The following EBF2 variants were observed in gnomAD, a reference collection of about 807,000 sequenced individuals.
The protein encoded by EBF2 is transcription factor COE2.
A neutral mutation model predicts 72.8 loss-of-function variants in EBF2; 21 were observed. That is an observed-to-expected ratio of 0.29 (90% CI 0.20 to 0.42). EBF2 has a LOEUF of 0.42. Ranked by LOEUF, EBF2 falls within the 10% of genes least tolerant of loss-of-function variation. The pLI is 1.00. For missense variants in EBF2, 637 were observed against 731.2 expected, an observed-to-expected ratio of 0.87 and a Z score of 1.49; for synonymous variants, 299 against 274.2, an observed-to-expected ratio of 1.09 and a Z score of -0.89.
At chr8:25,972,921 T>C (rs1007700556) in intron 6 of EBF2, among the ~76,000 whole-genome samples, 2 of 142,566 alleles carry the variant, frequency 1.4e-5, no homozygotes, top group African/African-American at 5.1e-5. Context: ...ACATTTGAAC[T>C]TGCCTTACAT....
At chr8:25,892,431 A>G (rs1025762642) in intron 7 of EBF2, among the ~76,000 whole-genome samples, 6 of 152,180 alleles carry the variant, frequency 3.9e-5, no homozygotes, top group Admixed American at 3.9e-4. Flanking sequence ...ATTTACATAC[A>G]TTGAAATGCA....
At chr8:25,897,305 C>T (rs1469661524) in intron 7 of EBF2, among the ~76,000 whole-genome samples, 1 of 151,976 alleles carries the variant, frequency 6.6e-6, no homozygotes, top group African/African-American at 2.4e-5. Flanking sequence ...CAACACTGGT[C>T]AATTTACTCA....
chr8:26,027,269 CA>C (rs1805316131), intron 6 of EBF2, among the ~76,000 whole-genome samples: 2 of 152,142 alleles, frequency 1.3e-5, no homozygotes, highest in South Asian at 4.2e-4. Flanking sequence ...AAGTACGGCC[CA>C]GGGGAAAGTA....
At chr8:25,989,051 C>A (rs1804504543) in intron 6 of EBF2, among the ~76,000 whole-genome samples, 1 of 152,234 alleles carries the variant, frequency 6.6e-6, no homozygotes. Flanking sequence ...AGTCAGGCAA[C>A]CTAGGCTCTG....
chr8:25,856,236 CTAT>C (rs1166808355), intron 14 of EBF2, among the ~76,000 whole-genome samples: 1 of 152,102 alleles, frequency 6.6e-6, no homozygotes, highest in African/African-American at 2.4e-5. Flanking sequence ...ACAAAAACAA[CTAT>C]TATGATTCAA....
intron 6 of EBF2, among the ~76,000 whole-genome samples, chr8:25,943,787 C>T (rs919976133): frequency 6.6e-6 from 1 of 152,288 alleles, no homozygotes; most frequent in East Asian, 1.9e-4. Flanking sequence ...AACATCAAAA[C>T]ACTATCAAAG....
At chr8:25,944,372 A>T (rs1407708251) in intron 6 of EBF2, among the ~76,000 whole-genome samples, 1 of 152,148 alleles carries the variant, frequency 6.6e-6, no homozygotes, top group Non-Finnish European at 1.5e-5. Flanking sequence ...CTGGTGAGCC[A>T]GCTCATCCCT....
At chr8:26,006,024 A>G (rs1804876189) in intron 6 of EBF2, among the ~76,000 whole-genome samples, 1 of 152,080 alleles carries the variant, frequency 6.6e-6, no homozygotes, top group Non-Finnish European at 1.5e-5. Flanking sequence ...TTTCTGCAGA[A>G]CAAACATCCA....
chr8:26,041,538 G>C (rs1001133557), intron 2 of EBF2: 2 of 165,256 alleles, frequency 1.2e-5, no homozygotes, highest in African/African-American at 4.8e-5. Context: ...ACCCGGAAAG[G>C]GCAAGGGATT....
rs953444617 is a variant in EBF2 at position 26,044,432 on chromosome 8, T to C, written c.131+297A>G. 3.9e-5 allele frequency among the ~76,000 whole-genome samples: 6 copies of C among 152,218 alleles called. No individual in the cohort carries two copies. Among genetic ancestry groups the C allele is most frequent in the Non-Finnish European group, 8.8e-5 (6 of 68,040 alleles). Reference sequence around the variant, plus strand: ...CGGCTTGCAGGACTAGGGGCTGAGCTGGGAGATGTTGGGGGCTACTTTATT... The same window carrying C: ...CGGCTTGCAGGACTAGGGGCTGAGCCGGGAGATGTTGGGGGCTACTTTATT... On this transcript the variant is annotated intron_variant, in intron 1 of 15. Transcript: ENST00000520164. The surrounding 1 kb of genome is among the most constrained non-coding windows in gnomAD (Gnocchi z 4.1).
chr8:25,952,567 C>T (rs1803880738), intron 6 of EBF2, among the ~76,000 whole-genome samples: 1 of 152,118 alleles, frequency 6.6e-6, no homozygotes, highest in Non-Finnish European at 1.5e-5. Flanking sequence ...GGAGCTATTA[C>T]AAATCACTTC....
intron 7 of EBF2, among the ~76,000 whole-genome samples, chr8:25,897,650 G>A (rs1802881427): frequency 6.6e-6 from 1 of 152,110 alleles, no homozygotes; most frequent in Admixed American, 6.5e-5. Context: ...ATTTGTTTAG[G>A]ATCATGGCCT....
At chr8:26,038,934 CCA>C (rs1190208395) in intron 5 of EBF2, among the ~76,000 whole-genome samples, 1 of 152,142 alleles carries the variant, frequency 6.6e-6, no homozygotes, top group Non-Finnish European at 1.5e-5. Context: ...CTGCAATTAC[CCA>C]AAGCTAGTAA....
intron 10 of EBF2, among the ~76,000 whole-genome samples, chr8:25,874,411 A>G (rs903851647): frequency 7.3e-6 from 1 of 137,146 alleles, no homozygotes; most frequent in Non-Finnish European, 1.6e-5. Context: ...TAATGAACAG[A>G]AAAAAAAAAT....
chr8:25,889,659 C>T lies in EBF2; in HGVS notation c.751+93G>A, dbSNP rs529693943. The stretch of plus-strand genomic sequence containing the variant: ...ACCCACATTGTTCTGTGTACTTTCT[C>T]TGCTCTGACTCCAAGACATAAATTT... On this transcript the variant is annotated intron_variant, in intron 8 of 15. Transcript: ENST00000520164. 2.7e-5 allele frequency: 27 copies of T among 983,874 alleles called. No homozygotes were observed. In the East Asian group the frequency reaches 6.6e-4, roughly 24 times the overall value. 60.9% of individuals were successfully genotyped at this position (983,874 alleles called of 1,614,324 possible).
In EBF2 at chr8:26,044,195, C is replaced by T. The variant is rs1394172625; in HGVS notation, c.131+534G>A. 6.6e-6 allele frequency among the ~76,000 whole-genome samples: 1 copy of T among 152,226 alleles called. No individual in the cohort carries two copies. The highest frequency in any genetic ancestry group is 2.4e-5 in the African/African-American group (1 of 41,466). On this transcript the variant is annotated intron_variant, in intron 1 of 15. Transcript: ENST00000520164. This position sits in a 1 kb window ranked among gnomAD's most constrained non-coding sequence, Gnocchi z 4.1. ...CCAGAGCTCCCGGCCGCCTCGTCTT[C>T]CCGGGCAGCCGCTCCGGCTTTTCCC...
intron 6 of EBF2, among the ~76,000 whole-genome samples, chr8:25,942,770 C>T (rs1408319176): frequency 3.3e-5 from 5 of 152,320 alleles, no homozygotes; most frequent in South Asian, 2.1e-4. Flanking sequence ...GAACAGCCTT[C>T]GTTCCTGCGG....
chr8:25,906,756 G>A (rs1421558951), intron 7 of EBF2, among the ~76,000 whole-genome samples: 4 of 143,726 alleles, frequency 2.8e-5, no homozygotes, highest in African/African-American at 1.1e-4. Context: ...GACAGAGCGA[G>A]ACTCCATCTC....
At chr8:25,852,662 C>T (rs974882758) in intron 14 of EBF2, among the ~76,000 whole-genome samples, 17 of 152,102 alleles carry the variant, frequency 1.1e-4, no homozygotes, top group African/African-American at 3.1e-4. Flanking sequence ...TACTAAGTGA[C>T]GTGAAGGAAT....
Sources: allele counts gnomAD v4.1 joint callset (sites outside exome capture counted in the v4.1 genomes callset), GRCh38; gene constraint gnomAD v4.1.1; non-coding constraint Gnocchi (gnomAD v3.1); transcripts MANE v1.5; gene names NCBI Gene and HGNC (gene_info 2026-07-23, HGNC 2026-07-21).